ME3: variants seen among roughly 807,000 people sequenced by gnomAD.
The protein encoded by ME3 is NADP-dependent malic enzyme, mitochondrial.
In ME3, 48 loss-of-function variants were observed where a neutral mutation model predicts 68.9. That is an observed-to-expected ratio of 0.70 (90% CI 0.55 to 0.89). The LOEUF (loss-of-function observed/expected upper bound fraction) is 0.89, where lower values mean the gene tolerates loss of function less well. Among genes scored for constraint, ME3 ranks in the 40% least tolerant of loss-of-function variants. The pLI, the probability that ME3 is intolerant of heterozygous loss-of-function variation, is 0.00. For synonymous variants in ME3, 320 were observed against 318.8 expected, an observed-to-expected ratio of 1.00 and a Z score of -0.04; for missense variants, 675 against 797.4, an observed-to-expected ratio of 0.85 and a Z score of 1.85.
intron 7 of ME3, among the ~76,000 whole-genome samples, chr11:86,473,181 G>A (rs1474502591): frequency 7.2e-6 from 1 of 138,716 alleles, no homozygotes; most frequent in East Asian, 2.2e-4. Flanking sequence ...CAAGGATAGC[G>A]AGCAGGTTGG....
intron 2 of ME3, among the ~76,000 whole-genome samples, chr11:86,641,580 A>G (rs1297501467): frequency 1.3e-5 from 2 of 152,246 alleles, no homozygotes; most frequent in African/African-American, 2.4e-5. Context: ...AAAGAAAACC[A>G]CTATAGTTAT....
At chr11:86,660,102 G>A (rs149761088) in intron 2 of ME3, among the ~76,000 whole-genome samples, 1 of 152,172 alleles carries the variant, frequency 6.6e-6, no homozygotes, top group Non-Finnish European at 1.5e-5. Context: ...CAAATGTCTA[G>A]ATTATCCAGG....
At chr11:86,658,266 G>A (rs1946046842) in intron 2 of ME3, among the ~76,000 whole-genome samples, 1 of 152,002 alleles carries the variant, frequency 6.6e-6, no homozygotes, top group Non-Finnish European at 1.5e-5. Context: ...TAGGATTACA[G>A]GCATGCGTCA....
intron 7 of ME3, among the ~76,000 whole-genome samples, chr11:86,470,314 C>A (rs78424223): frequency 6.6e-6 from 1 of 152,112 alleles, no homozygotes; most frequent in Non-Finnish European, 1.5e-5. Context: ...AGAAAAAAAC[C>A]CACATGCAAG....
intron 2 of ME3, among the ~76,000 whole-genome samples, chr11:86,656,430 G>A (rs952660863): frequency 2.0e-5 from 3 of 152,028 alleles, no homozygotes; most frequent in Non-Finnish European, 2.9e-5. Flanking sequence ...TAAAAATGAT[G>A]AGTTCATGTC....
chr11:86,467,693 T>TCA (rs368384131), intron 7 of ME3, among the ~76,000 whole-genome samples: 176 of 143,310 alleles, frequency 1.2e-3, no homozygotes, highest in East Asian at 3.9e-3. Context: ...TCTCTCTCTC[T>TCA]CACACACACA....
intron 1 of ME3, 66 bp downstream of exon 1, chr11:86,672,258 C>T (rs1018524482): frequency 6.4e-6 from 2 of 314,518 alleles, no homozygotes. Context: ...GACTGCGCGG[C>T]GAGGGGTCCC....
intron 2 of ME3, among the ~76,000 whole-genome samples, chr11:86,591,529 G>T (rs2139667862): frequency 6.6e-6 from 1 of 152,314 alleles, no homozygotes; most frequent in East Asian, 1.9e-4. Flanking sequence ...GTAAGCGAAG[G>T]AGAGAGGTTT....
In ME3 at chr11:86,452,983, GTTTTGT is replaced by G. The variant is rs551673628; in HGVS notation, c.920-2591_920-2586del. Reference sequence around the variant, plus strand: ...AATGTTGTGAGGCATTTTGTTAGAGGTTTTGTTTTTGTTTTTGTTTTTGTTTTTAAT... The same window carrying G: ...AATGTTGTGAGGCATTTTGTTAGAGGTTTTGTTTTTGTTTTTGTTTTTAAT... On this transcript the variant is annotated intron_variant, in intron 8 of 14. Coordinates refer to ENST00000543262, the Ensembl canonical transcript of ME3. Among the ~76,000 whole-genome samples the G allele has an allele frequency of 3.4e-3, 520 of 151,500 alleles. 1 individual carries two copies. The highest frequency in any genetic ancestry group is 9.5e-3 in the African/African-American group (391 of 41,106).
chr11:86,484,271 G>A (rs185481834), intron 7 of ME3, among the ~76,000 whole-genome samples: 219 of 139,324 alleles, frequency 1.6e-3, no homozygotes, highest in African/African-American at 5.0e-3. Flanking sequence ...ATTTCCCAAG[G>A]TTCTTTCTTA....
At chr11:86,491,775 A>T (rs1046304436) in intron 6 of ME3, among the ~76,000 whole-genome samples, 2 of 152,252 alleles carry the variant, frequency 1.3e-5, no homozygotes, top group African/African-American at 2.4e-5. Flanking sequence ...CAGGATGCCC[A>T]GTTAAATTTG....
At chr11:86,473,542 A>T (rs558967945) in intron 7 of ME3, among the ~76,000 whole-genome samples, 56 of 152,132 alleles carry the variant, frequency 3.7e-4, no homozygotes, top group African/African-American at 1.3e-3. Flanking sequence ...TGGAGGGGAG[A>T]TGAGAGATGA....
At position 86,514,869 on chromosome 11, in the gene ME3, T is replaced by C. The variant is rs2139139847; in HGVS notation, c.468-6002A>G. On this transcript the variant is annotated intron_variant, in intron 4 of 14. Transcript: ENST00000543262. ...CTGATCTTAGTTCAGAGGTTAAAAG[T>C]GTGGGCTCGGGAGTCAGATCGCCTG... Among the ~76,000 whole-genome samples, 3 of 152,328 alleles carry C rather than the reference T, an allele frequency of 2.0e-5. No individual in the cohort carries two copies. The South Asian group carries it at 6.2e-4, about 32-fold the overall frequency.
intron 8 of ME3, chr11:86,462,665 G>A (rs971044972): frequency 2.6e-5 from 30 of 1,150,432 alleles, no homozygotes; most frequent in Admixed American, 1.8e-4. Flanking sequence ...TGTAGCAGGC[G>A]CGGTGCTGGG....
chr11:86,655,878 C>T (rs1037497079), intron 2 of ME3, among the ~76,000 whole-genome samples: 255 of 152,138 alleles, frequency 1.7e-3, no homozygotes, highest in Middle Eastern at 3.4e-3. Context: ...CCGGAATCTA[C>T]AAAGAACTCA....
intron 4 of ME3, among the ~76,000 whole-genome samples, chr11:86,546,767 G>A (rs1358180754): frequency 2.0e-5 from 3 of 152,084 alleles, no homozygotes; most frequent in South Asian, 4.2e-4. Context: ...GCGATTCCTC[G>A]AAGATGTAGA....
At chr11:86,436,545 GC>G (rs1948898688), downstream of ME3, 1 of 151,926 alleles carries the variant, frequency 6.6e-6, no homozygotes, top group African/African-American at 2.4e-5. Context: ...TATGAATCAT[GC>G]TTTTAAAGTT....
intron 2 of ME3, among the ~76,000 whole-genome samples, chr11:86,618,051 C>T (rs997504453): frequency 5.9e-5 from 9 of 152,030 alleles, no homozygotes; most frequent in East Asian, 1.9e-4. Flanking sequence ...CTCATGCCAT[C>T]GCTCTGGGAG....
At chr11:86,599,451 T>C (rs1960193155) in intron 2 of ME3, among the ~76,000 whole-genome samples, 1 of 152,140 alleles carries the variant, frequency 6.6e-6, no homozygotes, top group Admixed American at 6.5e-5. Context: ...TGGGACTATC[T>C]GAAAAGACCA....
Sources: allele counts gnomAD v4.1 joint callset (sites outside exome capture counted in the v4.1 genomes callset), GRCh38; gene constraint gnomAD v4.1.1; transcripts MANE v1.5; gene names NCBI Gene and HGNC (gene_info 2026-07-23, HGNC 2026-07-21).